CHUK: variants seen among roughly 807,000 people sequenced by gnomAD.
CHUK encodes the protein component of inhibitor of nuclear factor kappa B kinase complex.
In CHUK, 35 loss-of-function variants were observed where a neutral mutation model predicts 104.8. The ratio of observed to expected loss-of-function variants is 0.33; its 90% CI spans 0.26 to 0.44. The LOEUF (loss-of-function observed/expected upper bound fraction) is 0.44, where lower values mean the gene tolerates loss of function less well. Ranked by LOEUF, CHUK falls within the 20% of genes least tolerant of loss-of-function variation. The pLI, the probability that CHUK is intolerant of heterozygous loss-of-function variation, is 1.00. For synonymous variants in CHUK, 276 were observed against 291.9 expected (o/e 0.95, Z 0.56); for missense variants, 663 against 902.7 (o/e 0.73, Z 3.40).
At chr10:100,205,707 C>T (rs2134223288) in intron 11 of CHUK, among the ~76,000 whole-genome samples, 2 of 152,296 alleles carry the variant, frequency 1.3e-5, no homozygotes, top group African/African-American at 4.8e-5. Flanking sequence ...GCGGGCAGAT[C>T]CCTTGAGGTC....
chr10:100,223,482 T>C lies in CHUK; in HGVS notation c.201-502A>G, dbSNP rs145566867. 7.9e-4 allele frequency among the ~76,000 whole-genome samples: 119 copies of C among 151,092 alleles called. 1 individual carries two copies. The highest frequency in any genetic ancestry group is 1.4e-3 in the Non-Finnish European group (97 of 67,782). On this transcript the variant is annotated intron_variant, in intron 2 of 20. Coordinates refer to ENST00000370397, the MANE Select transcript of CHUK (RefSeq NM_001278.5). ...AGTGAGACCTCATCTCTACAAAAAA[T>C]TAAAAATTAGCCGGGTGTGGTGGCG...
rs558568833 is a variant in CHUK, at chr10:100,191,933, A to C, written c.2109-965T>G. ...CAGGAGTTCGAGACCAGCCTGGCCA[A>C]CATGGTGAAACTCCGTCTTTACTAA... On this transcript the variant is annotated intron_variant, in intron 19 of 20. Transcript: ENST00000370397. Among the ~76,000 whole-genome samples the C allele has an allele frequency of 2.3e-4, 35 of 152,316 alleles. 1 individual carries two copies. The East Asian group carries it at 4.0e-3, about 18-fold the overall frequency.
At position 100,210,862 on chromosome 10, in the gene CHUK, G is replaced by A. The variant is rs530149420; in HGVS notation, c.934-1073C>T. Among the ~76,000 whole-genome samples, 3 of 152,292 alleles carry A rather than the reference G, an allele frequency of 2.0e-5. No individual in the cohort carries two copies. In the East Asian group the frequency reaches 5.8e-4, roughly 29 times the overall value. On this transcript the variant is annotated intron_variant, in intron 9 of 20. Coordinates refer to ENST00000370397, the MANE Select transcript of CHUK (RefSeq NM_001278.5). ...TGAGTGTGAGGCTGAGTCAGGTGGG[G>A]CTCTGTCCCCACCTGTCAGCGCGGA...
At chr10:100,205,290 C>T in intron 11 of CHUK, 91 bp from the exon 12 acceptor site, 1 of 1,320,980 alleles carries the variant, frequency 7.6e-7, no homozygotes, top group Non-Finnish European at 1.1e-6. Flanking sequence ...GATTTCCTGT[C>T]CACACAAACA....
intron 1 of CHUK, among the ~76,000 whole-genome samples, chr10:100,228,878 A>G (rs1846164064): frequency 6.6e-6 from 1 of 151,830 alleles, no homozygotes; most frequent in African/African-American, 2.4e-5. Flanking sequence ...TACATCCCCA[A>G]TTCCAAAGCC....
chr10:100,218,657 T>A, intron 8 of CHUK, 61 bp downstream of exon 8: 1 of 1,057,166 alleles, frequency 9.5e-7, no homozygotes, highest in Middle Eastern at 2.0e-4. Flanking sequence ...ACAACTACTC[T>A]CCTGCTCCTT....
chr10:100,217,127 G>A (rs1156705294), intron 9 of CHUK, among the ~76,000 whole-genome samples: 1 of 152,016 alleles, frequency 6.6e-6, no homozygotes. Flanking sequence ...CGGGTTTGAG[G>A]CATAAGGAGC....
intron 2 of CHUK, among the ~76,000 whole-genome samples, chr10:100,225,032 T>C (rs148227138): frequency 2.6e-5 from 4 of 152,144 alleles, no homozygotes; most frequent in South Asian, 2.1e-4. Flanking sequence ...ATATTTTTTG[T>C]AGAGATGGGG....
intron 19 of CHUK, among the ~76,000 whole-genome samples, chr10:100,191,828 A>G (rs180834208): frequency 3.9e-5 from 6 of 152,310 alleles, no homozygotes; most frequent in Admixed American, 1.3e-4. Context: ...TTCTTATACA[A>G]TGTATTCTGG....
rs892573750 is a variant in CHUK at position 100,188,343 on chromosome 10, T to C, written c.*1255A>G. On this transcript the variant is annotated 3_prime_UTR_variant, in exon 21 of 21. Transcript: ENST00000370397. ...AACTGTTTTATTATAATCTGATTTTTATAATGAATAGAGATCAAGAAAGTA... is the reference window on the plus strand; with the variant it reads ...AACTGTTTTATTATAATCTGATTTTCATAATGAATAGAGATCAAGAAAGTA... 2 of 152,648 alleles carry C rather than the reference T, an allele frequency of 1.3e-5. No individual in the cohort carries two copies. The highest frequency in any genetic ancestry group is 2.9e-5 in the Non-Finnish European group (2 of 68,044). 9.5% of individuals were successfully genotyped at this position (152,648 alleles called of 1,614,324 possible). A position where few individuals can be genotyped will look rare whatever the true frequency, so the allele number is the denominator to read the frequency against.
chr10:100,202,920 C>A (rs1179545065), intron 13 of CHUK, among the ~76,000 whole-genome samples: 1 of 152,030 alleles, frequency 6.6e-6, no homozygotes, highest in East Asian at 1.9e-4. Flanking sequence ...CCATGCCCGG[C>A]TAATTTTTAC....
chr10:100,205,312 G>A, intron 11 of CHUK, 113 bp from the exon 12 acceptor site: 3 of 1,132,806 alleles, frequency 2.6e-6, no homozygotes, highest in Admixed American at 3.4e-5. Flanking sequence ...GATTCCCATA[G>A]ATGCTAGAAA....
At chr10:100,229,331 C>A in intron 1 of CHUK, 97 bp downstream of exon 1, 1 of 910,286 alleles carries the variant, frequency 1.1e-6, no homozygotes, top group Non-Finnish European at 1.8e-6. Flanking sequence ...AAGGTCCCAC[C>A]AACCATCTAT....
chr10:100,200,082 A>G, intron 15 of CHUK, 62 bp from the exon 16 acceptor site: 1 of 1,178,958 alleles, frequency 8.5e-7, no homozygotes, highest in Non-Finnish European at 1.3e-6. Context: ...ATAATCTACA[A>G]CTTGAAACAA....
chr10:100,200,783 A>C lies in CHUK; in HGVS notation c.1570-3T>G. ...TCCAGGTATCCAATGACACCAACCT[A>C]AAATATGATGAAAATACAAAGGAAA... On this transcript the variant is annotated splice_polypyrimidine_tract_variant and splice_region_variant and intron_variant, in intron 14 of 20. Transcript: ENST00000370397. The C allele has an allele frequency of 6.7e-7, 1 of 1,496,604 alleles. No individual in the cohort carries two copies. The highest frequency in any genetic ancestry group is 9.3e-7 in the Non-Finnish European group (1 of 1,073,578). The allele number at this position is 1,496,604 out of a possible 1,614,324, so 92.7% of individuals were successfully genotyped here.
intron 9 of CHUK, among the ~76,000 whole-genome samples, chr10:100,213,906 C>T (rs1178335506): frequency 2.0e-5 from 3 of 152,178 alleles, no homozygotes; most frequent in African/African-American, 7.2e-5. Flanking sequence ...TGTCATAACA[C>T]AATTGCCAGT....
At chr10:100,212,656 A>G (rs1442794990) in intron 9 of CHUK, among the ~76,000 whole-genome samples, 1 of 152,132 alleles carries the variant, frequency 6.6e-6, no homozygotes, top group Non-Finnish European at 1.5e-5. Flanking sequence ...AAGGCCCACT[A>G]TTATTTCCAC....
At chr10:100,216,778 A>C (rs569488202) in intron 9 of CHUK, among the ~76,000 whole-genome samples, 25 of 152,374 alleles carry the variant, frequency 1.6e-4, no homozygotes, top group African/African-American at 5.8e-4. Flanking sequence ...GGTACACTGC[A>C]TAATAGAACT....
In CHUK at chr10:100,219,251, GA is replaced by G; in HGVS notation, c.564+18del. ...AATCCTATACACACTTAAATTCAAAGAAACAAAACAGGTCTCACCAGATACT... is the reference window on the plus strand; with the variant it reads ...AATCCTATACACACTTAAATTCAAAGAACAAAACAGGTCTCACCAGATACT... On this transcript the variant is annotated intron_variant, in intron 6 of 20. Coordinates refer to ENST00000370397, the MANE Select transcript of CHUK (RefSeq NM_001278.5). 2 of 1,567,318 alleles carry G rather than the reference GA, an allele frequency of 1.3e-6. No homozygotes were observed. The highest frequency in any genetic ancestry group is 1.8e-6 in the Non-Finnish European group (2 of 1,137,468).
Sources: gnomAD v4.1 joint callset for allele counts (sites outside exome capture counted in the v4.1 genomes callset) on GRCh38, gnomAD v4.1.1 for gene constraint, MANE v1.5 for transcripts, NCBI Gene and HGNC (gene_info 2026-07-23, HGNC 2026-07-21) for gene names.